The following DICER1 variants were observed in gnomAD, a reference collection of about 807,000 sequenced individuals.
DICER1 encodes the protein endoribonuclease Dicer.
DICER1 carries 43 observed loss-of-function variants against 194.1 expected under a neutral mutation model. The ratio of observed to expected loss-of-function variants is 0.22; its 90% CI spans 0.17 to 0.29. DICER1 has a LOEUF of 0.29. Ranked by LOEUF, DICER1 falls within the 10% of genes least tolerant of loss-of-function variation. The pLI, the probability that DICER1 is intolerant of heterozygous loss-of-function variation, is 1.00. For missense variants in DICER1, 1,608 were observed against 2,317.0 expected, an observed-to-expected ratio of 0.69 and a Z score of 6.28; for synonymous variants, 832 against 820.5, an observed-to-expected ratio of 1.01 and a Z score of -0.24.
intron 1 of DICER1, among the ~76,000 whole-genome samples, chr14:95,140,280 C>T (rs376790886): frequency 9.2e-5 from 14 of 152,152 alleles, no homozygotes; most frequent in Admixed American, 4.6e-4. Context: ...AGAGACTGAC[C>T]CCGTATAAGA....
intron 11 of DICER1, 119 bp downstream of exon 11, chr14:95,115,548 T>G (rs766482373): frequency 5.4e-5 from 59 of 1,101,528 alleles, no homozygotes; most frequent in Non-Finnish European, 7.0e-5. Flanking sequence ...TTATCGAAAA[T>G]ATGGCAAGTC....
At chr14:95,104,277 C>T in intron 20 of DICER1, 151 bp from the exon 21 acceptor site, 1 of 679,474 alleles carries the variant, frequency 1.5e-6, no homozygotes, top group Non-Finnish European at 2.5e-6. Flanking sequence ...TTTTAATTTA[C>T]AGTGTAAATT....
In DICER1 at chr14:95,105,859, C is replaced by T. The variant is rs370735844; in HGVS notation, c.2988-76G>A. 2 of 1,428,698 alleles carry T rather than the reference C, an allele frequency of 1.4e-6. No individual in the cohort carries two copies. The highest frequency in any genetic ancestry group is 2.3e-5 in the East Asian group (1 of 43,774). The allele number at this position is 1,428,698 out of a possible 1,614,324, so 88.5% of individuals were successfully genotyped here. On this transcript the variant is annotated intron_variant, in intron 18 of 26. Coordinates refer to ENST00000343455, the MANE Select transcript of DICER1 (RefSeq NM_177438.3). This position sits in a 1 kb window ranked among gnomAD's most constrained non-coding sequence, Gnocchi z 4.9. Reference sequence around the variant, plus strand: ...TTCACAGTGGTTCTCCAAAAACCACCTGAAGAGCTCATTTCAACTACAGCC... The same window carrying T: ...TTCACAGTGGTTCTCCAAAAACCACTTGAAGAGCTCATTTCAACTACAGCC...
chr14:95,103,290 C>T, intron 21 of DICER1, 56 bp downstream of exon 21: 1 of 1,570,668 alleles, frequency 6.4e-7, no homozygotes, highest in African/African-American at 1.3e-5. Context: ...ACACTGCAAA[C>T]CACTTTCAGG....
chr14:95,090,791 C>T (rs1027164999), intron 26 of DICER1, 128 bp from the exon 27 acceptor site: 11 of 1,193,892 alleles, frequency 9.2e-6, no homozygotes, highest in African/African-American at 3.0e-5. Flanking sequence ...AGGAAACACG[C>T]GTTACGACTT....
At position 95,089,514 on chromosome 14, in the gene DICER1, G is replaced by A. The variant is rs563019682; in HGVS notation, c.*984C>T. On this transcript the variant is annotated 3_prime_UTR_variant, in exon 27 of 27. Transcript: ENST00000343455. ...TTTATTTTGTTAGAGCAACAGCCTA[G>A]AAGGCAAAATTATTTGCCATAAACA... 5.6e-5 allele frequency: 13 copies of A among 232,280 alleles called. No individual in the cohort carries two copies. The highest frequency in any genetic ancestry group is 2.4e-4 in the African/African-American group (11 of 45,430). The allele number at this position is 232,280 out of a possible 1,614,324, so 14.4% of individuals were successfully genotyped here. A position where few individuals can be genotyped will look rare whatever the true frequency, so the allele number is the denominator to read the frequency against.
intron 1 of DICER1, among the ~76,000 whole-genome samples, chr14:95,156,749 G>A (rs905655834): frequency 1.3e-5 from 2 of 152,184 alleles, no homozygotes; most frequent in African/African-American, 2.4e-5. Context: ...CCTCCCGGGA[G>A]GGACCGAGAG....
At chr14:95,125,928 T>C (rs193091103) in intron 7 of DICER1, among the ~76,000 whole-genome samples, 78 of 152,130 alleles carry the variant, frequency 5.1e-4, no homozygotes, top group African/African-American at 1.8e-3. Flanking sequence ...ATGTGGGCAC[T>C]GCTGCTCGAG....
chr14:95,099,390 C>T (rs1890653128), intron 22 of DICER1, among the ~76,000 whole-genome samples: 1 of 151,938 alleles, frequency 6.6e-6, no homozygotes, highest in Admixed American at 6.6e-5. Context: ...ATTTCACAGA[C>T]AGACTGGAGA....
At chr14:95,125,447 T>C (rs1361275108) in intron 7 of DICER1, among the ~76,000 whole-genome samples, 1 of 146,452 alleles carries the variant, frequency 6.8e-6, no homozygotes, top group Non-Finnish European at 1.5e-5. Flanking sequence ...CTTACAACTC[T>C]AATTGAGAGC....
Position 95,096,721 on chromosome 14 carries a change from G to A in DICER1, c.4207-8C>T, listed in dbSNP as rs763694414. 8.1e-6 allele frequency: 13 copies of A among 1,595,234 alleles called. No homozygotes were observed. Among genetic ancestry groups the A allele is most frequent in the East Asian group, 6.9e-5 (3 of 43,610 alleles). ...CAGCATGCAGTCTTTTGTCTGAAAC[G>A]AGGGGGAATGGGGAAGGAGGGGAAA... is the stretch of plus-strand genomic sequence containing the variant. On this transcript the variant is annotated splice_polypyrimidine_tract_variant and splice_region_variant and intron_variant, in intron 22 of 26. Coordinates refer to ENST00000343455, the MANE Select transcript of DICER1 (RefSeq NM_177438.3).
At chr14:95,116,783 C>T (rs2140128979) in intron 9 of DICER1, 88 bp from the exon 10 acceptor site, 1 of 1,309,548 alleles carries the variant, frequency 7.6e-7, no homozygotes, top group African/African-American at 1.5e-5. Flanking sequence ...TGACAACTGT[C>T]ATTTCTGACA....
chr14:95,090,018 C>T lies in DICER1; in HGVS notation c.*480G>A, dbSNP rs796969892. 45 of 283,546 alleles carry T rather than the reference C, an allele frequency of 1.6e-4. No individual in the cohort carries two copies. The highest frequency in any genetic ancestry group is 9.2e-4 in the African/African-American group (42 of 45,838). 17.6% of individuals were successfully genotyped at this position (283,546 alleles called of 1,614,324 possible). A position where few individuals can be genotyped will look rare whatever the true frequency, so the allele number is the denominator to read the frequency against. On this transcript the variant is annotated 3_prime_UTR_variant, in exon 27 of 27. Transcript: ENST00000343455. Reference sequence around the variant, plus strand: ...GACAACATTGGCGCACTTCTCCTCTCGAAAACCTTATCTTTCTATTCAGCT... The same window carrying T: ...GACAACATTGGCGCACTTCTCCTCTTGAAAACCTTATCTTTCTATTCAGCT...
chr14:95,135,493 A>T (rs1894293276), intron 1 of DICER1, among the ~76,000 whole-genome samples: 1 of 152,386 alleles, frequency 6.6e-6, no homozygotes, highest in South Asian at 2.1e-4. Context: ...ATTAGTAATA[A>T]CAATAAATAA....
intron 2 of DICER1, 116 bp downstream of exon 2, chr14:95,133,199 A>G: frequency 9.9e-7 from 1 of 1,010,616 alleles, no homozygotes; most frequent in Non-Finnish European, 1.5e-6. Context: ...TGAGAAAATT[A>G]ATCAGAAGTG....
chr14:95,135,197 A>G (rs17091842), intron 1 of DICER1, among the ~76,000 whole-genome samples: 5,046 of 152,170 alleles, frequency 0.033, 310 homozygotes, highest in African/African-American at 0.12. Flanking sequence ...ATTCTCCTTC[A>G]TGACTACAGA....
In DICER1 at chr14:95,116,470, AG is replaced by A; in HGVS notation, c.1734del (p.Tyr579ThrfsTer8). On this transcript the variant is annotated frameshift_variant, in exon 10 of 27. Transcript: ENST00000343455. LOFTEE classifies it high-confidence loss of function. ...GATCTTACCTTTTCAATAGCTTTGT[AG>A]GTTTTAAGGTCTTCTTCAAAACTTT... ...KIKSFEEDLKTYKAIEKILRN... is the reference protein window; with the variant it reads ...KIKSFEEDLKXYKAIEKILRN... The A allele has an allele frequency of 6.2e-7, 1 of 1,612,566 alleles. No homozygotes were observed. Among genetic ancestry groups the A allele is most frequent in the Non-Finnish European group, 8.5e-7 (1 of 1,179,894 alleles).
At chr14:95,126,024 T>G (rs1204703453) in intron 7 of DICER1, among the ~76,000 whole-genome samples, 1 of 152,034 alleles carries the variant, frequency 6.6e-6, no homozygotes, top group Non-Finnish European at 1.5e-5. Flanking sequence ...TCTAGGGCAG[T>G]GGTTCTCGAG....
intron 6 of DICER1, among the ~76,000 whole-genome samples, chr14:95,127,149 T>G (rs1893545862): frequency 6.6e-6 from 1 of 152,216 alleles, no homozygotes; most frequent in African/African-American, 2.4e-5. Context: ...TGACTCTGTC[T>G]AAACAAAACT....
Sources: gnomAD v4.1 joint callset for allele counts (sites outside exome capture counted in the v4.1 genomes callset) on GRCh38, gnomAD v4.1.1 for gene constraint, Gnocchi (gnomAD v3.1) non-coding constraint, MANE v1.5 for transcripts, NCBI Gene and HGNC (gene_info 2026-07-23, HGNC 2026-07-21) for gene names.